The following PRKD1 variants were observed in gnomAD, a reference collection of about 807,000 sequenced individuals.
PRKD1 encodes serine/threonine-protein kinase D1.
PRKD1 carries 63 observed loss-of-function variants against 95.9 expected under a neutral mutation model. The ratio of observed to expected loss-of-function variants is 0.66; its 90% confidence interval spans 0.54 to 0.81. PRKD1 has a LOEUF of 0.81. Ranked by LOEUF, PRKD1 falls within the 30% of genes least tolerant of loss-of-function variation. The pLI is 0.00. For missense variants in PRKD1, 1,048 were observed against 1,165.3 expected, an observed-to-expected ratio of 0.90 and a Z score of 1.47; for synonymous variants, 425 against 423.1, an observed-to-expected ratio of 1.00 and a Z score of -0.05.
At chr14:29,628,936 C>T in intron 11 of PRKD1, 105 bp downstream of exon 11, 7 of 810,946 alleles carry the variant, frequency 8.6e-6, no homozygotes, top group Non-Finnish European at 7.1e-6. Context: ...TTTTGCTTTC[C>T]AAAATTTACT....
intron 13 of PRKD1, among the ~76,000 whole-genome samples, chr14:29,610,251 A>G (rs1461553777): frequency 1.3e-5 from 2 of 152,224 alleles, no homozygotes; most frequent in Non-Finnish European, 1.5e-5. Context: ...AAATATTTGC[A>G]AAAGACACAA....
chr14:29,776,488 C>A (rs905993277), intron 1 of PRKD1, among the ~76,000 whole-genome samples: 1 of 152,076 alleles, frequency 6.6e-6, no homozygotes, highest in Non-Finnish European at 1.5e-5. Context: ...ACAAGAACTA[C>A]GGGACGCATG....
intron 16 of PRKD1, chr14:29,592,771 C>G (rs994916456): frequency 3.3e-5 from 5 of 152,060 alleles, no homozygotes; most frequent in Non-Finnish European, 7.4e-5. Flanking sequence ...GAACAAGTAA[C>G]GTGGATGAGA....
chr14:29,578,392 A>G (rs749306249), intron 16 of PRKD1, 32 bp from the exon 17 acceptor site: 1 of 1,489,932 alleles, frequency 6.7e-7, no homozygotes, highest in Admixed American at 1.7e-5. Context: ...AATAGATGAC[A>G]AATCTGTAAC....
intron 1 of PRKD1, among the ~76,000 whole-genome samples, chr14:29,905,880 C>A (rs1051803604): frequency 6.6e-6 from 1 of 152,126 alleles, no homozygotes. Context: ...ATCCACCCAG[C>A]GGGGCTTATA....
At chr14:29,727,541 G>A (rs1348994733) in intron 1 of PRKD1, among the ~76,000 whole-genome samples, 14 of 151,256 alleles carry the variant, frequency 9.3e-5, no homozygotes, top group African/African-American at 2.4e-4. Context: ...TAACGTTTAA[G>A]TCTTTAATCC....
rs564081661 is a variant in PRKD1, at chr14:29,822,338, A to G, written c.265-96664T>C. Among the ~76,000 whole-genome samples, 4 of 152,336 alleles carry G rather than the reference A, an allele frequency of 2.6e-5. No individual in the cohort carries two copies. The East Asian group carries it at 7.7e-4, about 29-fold the overall frequency. On this transcript the variant is annotated intron_variant, in intron 1 of 17. Coordinates refer to ENST00000331968, the MANE Select transcript of PRKD1 (RefSeq NM_002742.3). The stretch of plus-strand genomic sequence containing the variant: ...TTTCTTCAGAAGTGATCTGAATTTC[A>G]TCTTACGGGCATTGCACAATTTTCC...
At chr14:29,630,293 C>T (rs774890142) in intron 10 of PRKD1, among the ~76,000 whole-genome samples, 2 of 152,052 alleles carry the variant, frequency 1.3e-5, no homozygotes, top group African/African-American at 4.8e-5. Flanking sequence ...GCGCATGACA[C>T]TATGCCTGGC....
intron 2 of PRKD1, among the ~76,000 whole-genome samples, chr14:29,696,987 T>C (rs1254503806): frequency 6.6e-6 from 1 of 152,012 alleles, no homozygotes; most frequent in East Asian, 1.9e-4. Flanking sequence ...GAGCGCCATT[T>C]TCCTTTGGAT....
intron 1 of PRKD1, among the ~76,000 whole-genome samples, chr14:29,771,514 C>A: frequency 6.6e-6 from 1 of 152,024 alleles, no homozygotes; most frequent in Non-Finnish European, 1.5e-5. Flanking sequence ...TCATCTCTAC[C>A]CATGCACAGA....
chr14:29,735,566 T>TTTATAAAGA (rs1886673078), intron 1 of PRKD1, among the ~76,000 whole-genome samples: 2 of 152,156 alleles, frequency 1.3e-5, no homozygotes, highest in Non-Finnish European at 2.9e-5. Context: ...GAATAACAGC[T>TTTATAAAGA]CAACTTTATA....
At chr14:29,787,215 GTTTTT>G (rs34161174) in intron 1 of PRKD1, among the ~76,000 whole-genome samples, 1 of 85,240 alleles carries the variant, frequency 1.2e-5, no homozygotes, top group African/African-American at 4.5e-5. Context: ...TTTGTTCAGT[GTTTTT>G]TTTTTTTTTT....
At chr14:29,615,083 C>T (rs1283033715) in intron 13 of PRKD1, among the ~76,000 whole-genome samples, 1 of 151,938 alleles carries the variant, frequency 6.6e-6, no homozygotes, top group African/African-American at 2.4e-5. Context: ...TATAAAAACA[C>T]ATTACATTGA....
At chr14:29,664,621 C>A (rs1401204996) in intron 3 of PRKD1, among the ~76,000 whole-genome samples, 1 of 152,062 alleles carries the variant, frequency 6.6e-6, no homozygotes, top group Non-Finnish European at 1.5e-5. Context: ...GACAGAAATT[C>A]AAAAATTGTG....
At chr14:29,690,572 G>A (rs529692312) in intron 2 of PRKD1, among the ~76,000 whole-genome samples, 1 of 152,080 alleles carries the variant, frequency 6.6e-6, no homozygotes, top group Non-Finnish European at 1.5e-5. Context: ...CTGCTTCAAT[G>A]TCTCTTTCCC....
chr14:29,773,198 T>G (rs1032967789), intron 1 of PRKD1, among the ~76,000 whole-genome samples: 3 of 152,162 alleles, frequency 2.0e-5, no homozygotes, highest in Non-Finnish European at 2.9e-5. Context: ...TGGTGACTCA[T>G]GCCTGTAATC....
At chr14:29,799,438 G>C (rs1043441401) in intron 1 of PRKD1, among the ~76,000 whole-genome samples, 1 of 152,144 alleles carries the variant, frequency 6.6e-6, no homozygotes, top group African/African-American at 2.4e-5. Context: ...ATTGCTCCGG[G>C]ATTCCTAAAG....
intron 1 of PRKD1, among the ~76,000 whole-genome samples, chr14:29,865,663 A>G (rs778594875): frequency 1.3e-5 from 2 of 152,182 alleles, no homozygotes; most frequent in Non-Finnish European, 2.9e-5. Context: ...AGTCTCCAGA[A>G]CCAGAAGACA....
chr14:29,654,995 C>T (rs1034209517), intron 4 of PRKD1, among the ~76,000 whole-genome samples: 7 of 152,206 alleles, frequency 4.6e-5, no homozygotes, highest in African/African-American at 1.4e-4. Flanking sequence ...AGGAGCTAGC[C>T]TGTGAAGGCC....
Sources: allele counts gnomAD v4.1 joint callset (sites outside exome capture counted in the v4.1 genomes callset), GRCh38; gene constraint gnomAD v4.1.1; transcripts MANE v1.5; gene names NCBI Gene and HGNC (gene_info 2026-07-23, HGNC 2026-07-21).